AGBL1: variants seen among roughly 807,000 people sequenced by gnomAD.
The protein encoded by AGBL1 is AGBL carboxypeptidase 1.
AGBL1 carries 130 observed loss-of-function variants against 118.9 expected under a neutral mutation model. The observed-to-expected ratio is 1.09, with a 90% CI of 0.95 to 1.26. The LOEUF (loss-of-function observed/expected upper bound fraction) is 1.26, where lower values mean the gene tolerates loss of function less well. AGBL1 is among the 50% of genes most tolerant of loss of function. The pLI is 0.00. For synonymous variants in AGBL1, 555 were observed against 478.9 expected (o/e 1.16, Z -2.08); for missense variants, 1,584 against 1,298.1 (o/e 1.22, Z -3.38).
chr15:86,687,102 C>CA (rs540321515), intron 22 of AGBL1, among the ~76,000 whole-genome samples: 311 of 150,460 alleles, frequency 2.1e-3, no homozygotes, highest in South Asian at 0.019. Context: ...ATATCAATGG[C>CA]AAAAAAAAGG....
intron 1 of AGBL1, among the ~76,000 whole-genome samples, chr15:86,095,721 C>T (rs1484780713): frequency 7.9e-6 from 1 of 126,296 alleles, no homozygotes; most frequent in Non-Finnish European, 1.6e-5. Context: ...CTGTTGGTCA[C>T]TAATACTCTC....
At chr15:86,590,423 G>C (rs1037032039) in intron 21 of AGBL1, among the ~76,000 whole-genome samples, 2 of 152,128 alleles carry the variant, frequency 1.3e-5, no homozygotes, top group Non-Finnish European at 2.9e-5. Flanking sequence ...GTTCTTCTCT[G>C]TCCTGCCACT....
chr15:86,114,074 A>T (rs1420521704), intron 1 of AGBL1, among the ~76,000 whole-genome samples: 1 of 152,368 alleles, frequency 6.6e-6, no homozygotes, highest in African/African-American at 2.4e-5. Flanking sequence ...TATATTTGTT[A>T]ATAACTGAGG....
intron 20 of AGBL1, among the ~76,000 whole-genome samples, chr15:86,551,961 G>T (rs1337584518): frequency 6.6e-6 from 1 of 152,158 alleles, no homozygotes. Context: ...AAAAGATCGG[G>T]GTTGCCAGGA....
At chr15:86,162,108 C>A (rs534675986) in intron 5 of AGBL1, among the ~76,000 whole-genome samples, 1 of 152,196 alleles carries the variant, frequency 6.6e-6, no homozygotes, top group South Asian at 2.1e-4. Context: ...AAACTCCATC[C>A]TGAGAATAGT....
At chr15:86,196,927 G>C (rs867876301) in intron 5 of AGBL1, among the ~76,000 whole-genome samples, 3 of 118,366 alleles carry the variant, frequency 2.5e-5, no homozygotes, top group African/African-American at 1.0e-4. Flanking sequence ...ACACACACAC[G>C]AAAGGCCATA....
intron 17 of AGBL1, among the ~76,000 whole-genome samples, chr15:86,391,164 G>A (rs183896979): frequency 5.3e-5 from 8 of 152,072 alleles, no homozygotes; most frequent in African/African-American, 1.7e-4. Context: ...GTATACATGT[G>A]TCAAAATTTA....
chr15:86,880,858 T>C (rs2079881937), intron 22 of AGBL1, among the ~76,000 whole-genome samples: 1 of 152,168 alleles, frequency 6.6e-6, no homozygotes, highest in African/African-American at 2.4e-5. Flanking sequence ...TCCTGCAGCC[T>C]TGGCCTTTAC....
At position 86,615,874 on chromosome 15, in the gene AGBL1, G is replaced by A. The variant is rs1596311226; in HGVS notation, c.2995-58399G>A. Reference sequence around the variant, plus strand: ...ATTAATTAATAGGGATGACAGTGTTGGGGTTATACATACATTGATAGGGGG... The same window carrying A: ...ATTAATTAATAGGGATGACAGTGTTAGGGTTATACATACATTGATAGGGGG... On this transcript the variant is annotated intron_variant, in intron 21 of 22. Transcript: ENST00000614907. This position sits in a 1 kb window ranked among gnomAD's most constrained non-coding sequence, Gnocchi z 4.3. Among the ~76,000 whole-genome samples, 1 of 152,064 alleles carries A rather than the reference G, an allele frequency of 6.6e-6. No individual in the cohort carries two copies. Among genetic ancestry groups the A allele is most frequent in the Middle Eastern group, 3.4e-3 (1 of 294 alleles).
intron 16 of AGBL1, among the ~76,000 whole-genome samples, chr15:86,284,116 A>G (rs2141732568): frequency 6.6e-6 from 1 of 151,654 alleles, no homozygotes; most frequent in South Asian, 2.1e-4. Flanking sequence ...ATTGTTTTTT[A>G]TGATGATGTG....
At chr15:86,735,666 ATATTT>A (rs940402041) in intron 22 of AGBL1, among the ~76,000 whole-genome samples, 4 of 151,240 alleles carry the variant, frequency 2.6e-5, no homozygotes, top group Non-Finnish European at 5.9e-5. Context: ...ATATATATAT[ATATTT>A]TATTTGTCTG....
intron 3 of AGBL1, among the ~76,000 whole-genome samples, chr15:86,148,887 G>C (rs1433221420): frequency 6.6e-6 from 1 of 152,196 alleles, no homozygotes; most frequent in Admixed American, 6.5e-5. Context: ...GAAAGGTCAA[G>C]TTACCCACAA....
At position 86,279,547 on chromosome 15, in the gene AGBL1, C is replaced by T. The variant is rs550347892; in HGVS notation, c.2076-92C>T. On this transcript the variant is annotated intron_variant, in intron 15 of 22. Transcript: ENST00000614907. ...CATTGTGCCAGGACAGTATATAACGCACAAGATTTATAGCATCTAGGACCC... is the reference window on the plus strand; with the variant it reads ...CATTGTGCCAGGACAGTATATAACGTACAAGATTTATAGCATCTAGGACCC... 6.3e-6 allele frequency: 8 copies of T among 1,279,760 alleles called. No homozygotes were observed. The African/African-American group carries it at 8.8e-5, about 14-fold the overall frequency. 79.3% of individuals were successfully genotyped at this position (1,279,760 alleles called of 1,614,324 possible).
At chr15:86,513,776 T>A (rs903853772) in intron 18 of AGBL1, among the ~76,000 whole-genome samples, 1 of 152,118 alleles carries the variant, frequency 6.6e-6, no homozygotes, top group Non-Finnish European at 1.5e-5. Flanking sequence ...TATGAATTTA[T>A]GAATATTTAA....
intron 17 of AGBL1, among the ~76,000 whole-genome samples, chr15:86,319,518 C>T (rs1269746917): frequency 6.6e-6 from 1 of 152,024 alleles, no homozygotes; most frequent in East Asian, 1.9e-4. Context: ...TTGTCTTTCT[C>T]TCACATTATA....
In AGBL1 at chr15:86,091,722, C is replaced by T. The variant is rs1425116772; in HGVS notation, c.51+11699C>T. Among the ~76,000 whole-genome samples, 7 of 152,248 alleles carry T rather than the reference C, an allele frequency of 4.6e-5. No homozygotes were observed. The East Asian group carries it at 7.7e-4, about 17-fold the overall frequency. On this transcript the variant is annotated intron_variant, in intron 1 of 22. Transcript: ENST00000614907. Reference sequence around the variant, plus strand: ...ATACACTTCTTGGGTTTTGTCTCAGCGAATGAAGCTCTTAAAGGTCAGAAT... The same window carrying T: ...ATACACTTCTTGGGTTTTGTCTCAGTGAATGAAGCTCTTAAAGGTCAGAAT...
intron 23 of AGBL1, among the ~76,000 whole-genome samples, chr15:86,957,926 G>A (rs1018102446): frequency 1.3e-5 from 2 of 152,030 alleles, no homozygotes; most frequent in Non-Finnish European, 2.9e-5. Flanking sequence ...TTGAGGCCAG[G>A]CACGGTGGCT....
At chr15:86,756,560 A>G (rs1377970154) in intron 22 of AGBL1, among the ~76,000 whole-genome samples, 1 of 152,088 alleles carries the variant, frequency 6.6e-6, no homozygotes, top group Non-Finnish European at 1.5e-5. Flanking sequence ...ACCTAGAATA[A>G]GGGAACTGGG....
intron 17 of AGBL1, among the ~76,000 whole-genome samples, chr15:86,325,862 T>C (rs1317808503): frequency 6.6e-6 from 1 of 152,104 alleles, no homozygotes; most frequent in Non-Finnish European, 1.5e-5. Context: ...TGATAACTTC[T>C]TAATTTTTTC....
Sources: gnomAD v4.1 joint callset for allele counts (sites outside exome capture counted in the v4.1 genomes callset) on GRCh38, gnomAD v4.1.1 for gene constraint, Gnocchi (gnomAD v3.1) non-coding constraint, MANE v1.5 for transcripts, NCBI Gene and HGNC (gene_info 2026-07-23, HGNC 2026-07-21) for gene names.